Variants in DACH2 observed in about 807,000 individuals in gnomAD.
The protein encoded by DACH2 is dachshund family transcription factor 2.
In DACH2, 17 loss-of-function variants were observed where a neutral mutation model predicts 35.8. That is an observed-to-expected ratio of 0.48 (90% confidence interval 0.33 to 0.71). DACH2 has a LOEUF of 0.71. DACH2 is among the 30% of genes least tolerant of loss of function. DACH2 has a pLI of 0.02. For missense variants in DACH2, 469 were observed against 472.7 expected (o/e 0.99, Z 0.07); for synonymous variants, 195 against 177.3 (o/e 1.10, Z -0.79).
intron 3 of DACH2, among the ~76,000 whole-genome samples, chrX:86,638,660 C>A (rs1373867762): frequency 8.9e-6 from 1 of 111,942 alleles, no homozygotes; most frequent in East Asian, 2.8e-4. Context: ...TGAAAAAATG[C>A]TTAATGTCAC....
chrX:86,481,757 C>T (rs2037939284), intron 2 of DACH2: 1 of 112,044 alleles, frequency 8.9e-6, no homozygotes, highest in East Asian at 2.8e-4. Context: ...GAGCTCATAT[C>T]ATGTACATTC....
At chrX:86,752,734 G>T (rs1602898303) in intron 7 of DACH2, among the ~76,000 whole-genome samples, 1 of 111,267 alleles carries the variant, frequency 9.0e-6, no homozygotes, top group Non-Finnish European at 1.9e-5. Flanking sequence ...GGTGACTATG[G>T]AAGTCTTGGA....
At chrX:86,712,035 G>C (rs760335181) in intron 5 of DACH2, among the ~76,000 whole-genome samples, 11 of 111,498 alleles carry the variant, frequency 9.9e-5, no homozygotes, top group Admixed American at 4.8e-4. Context: ...TTAAGCATTT[G>C]AATAGTAAAT....
At chrX:86,499,732 A>G (rs1380957725) in intron 2 of DACH2, among the ~76,000 whole-genome samples, 2 of 111,281 alleles carry the variant, frequency 1.8e-5, no homozygotes, top group Non-Finnish European at 3.8e-5. Context: ...TTTCATTGCA[A>G]TTGTAATGGT....
intron 1 of DACH2, among the ~76,000 whole-genome samples, chrX:86,304,189 A>T (rs1036619410): frequency 5.5e-4 from 61 of 111,129 alleles, no homozygotes; most frequent in African/African-American, 2.0e-3. Flanking sequence ...ATGGAACTAG[A>T]CCCCTCTCTC....
intron 3 of DACH2, among the ~76,000 whole-genome samples, chrX:86,553,042 G>A (rs72633158): frequency 0.14 from 15,315 of 110,083 alleles, 937 homozygotes; most frequent in East Asian, 0.24. Flanking sequence ...TATATGAAGG[G>A]GAATTTATTA....
intron 5 of DACH2, among the ~76,000 whole-genome samples, chrX:86,711,969 G>A (rs2041284326): frequency 1.8e-5 from 2 of 111,922 alleles, no homozygotes; most frequent in African/African-American, 6.5e-5. Context: ...AATCTTTGGA[G>A]AATGAGGAAA....
chrX:86,155,729 A>G (rs1042063400), intron 1 of DACH2, among the ~76,000 whole-genome samples: 9 of 111,393 alleles, frequency 8.1e-5, no homozygotes, highest in Admixed American at 9.6e-5. Flanking sequence ...TTTAAAAATC[A>G]GTTTTTAGAT....
chrX:86,312,139 C>T (rs1044391685), intron 1 of DACH2, among the ~76,000 whole-genome samples: 13 of 112,160 alleles, frequency 1.2e-4, no homozygotes, highest in African/African-American at 3.2e-4. Flanking sequence ...GCTGCAGAAA[C>T]GAGGACTGTG....
intron 2 of DACH2, among the ~76,000 whole-genome samples, chrX:86,415,098 C>T (rs2036681065): frequency 9.0e-6 from 1 of 111,697 alleles, no homozygotes; most frequent in Non-Finnish European, 1.9e-5. Context: ...AAGTGTTAGA[C>T]TGCAAGAAGA....
At chrX:86,455,450 G>A (rs967978124) in intron 2 of DACH2, among the ~76,000 whole-genome samples, 3 of 111,870 alleles carry the variant, frequency 2.7e-5, no homozygotes, top group African/African-American at 9.8e-5. Flanking sequence ...CCCAGGGAGA[G>A]ATCAGAGCTC....
chrX:86,568,638 T>G (rs2039323171), intron 3 of DACH2, among the ~76,000 whole-genome samples: 1 of 111,320 alleles, frequency 9.0e-6, no homozygotes, highest in Admixed American at 9.6e-5. Flanking sequence ...ATAGATTATA[T>G]GGATGAAAAT....
chrX:86,540,952 T>C (rs1159577793), intron 3 of DACH2, among the ~76,000 whole-genome samples: 1 of 112,111 alleles, frequency 8.9e-6, no homozygotes, highest in Non-Finnish European at 1.9e-5. Context: ...TAATAATGAA[T>C]ATCATCTCTC....
At chrX:86,523,666 G>A (rs184208248) in intron 3 of DACH2, among the ~76,000 whole-genome samples, 58 of 110,326 alleles carry the variant, frequency 5.3e-4, no homozygotes, top group Admixed American at 1.6e-3. Flanking sequence ...TCATAGGGGT[G>A]TGGAAAACAG....
At chrX:86,597,175 A>G (rs958974042) in intron 3 of DACH2, among the ~76,000 whole-genome samples, 1 of 111,880 alleles carries the variant, frequency 8.9e-6, no homozygotes, top group African/African-American at 3.2e-5. Flanking sequence ...CAAAAAGGCA[A>G]TTGCGATATT....
intron 7 of DACH2, among the ~76,000 whole-genome samples, chrX:86,773,358 A>T (rs913231654): frequency 1.8e-5 from 2 of 111,787 alleles, no homozygotes; most frequent in African/African-American, 3.2e-5. Flanking sequence ...AAATTTAGAC[A>T]TTGGCTTTAG....
Position 86,484,644 on chromosome X carries a change from C to A in DACH2, c.528-29635C>A, listed in dbSNP as rs2037991944. Among the ~76,000 whole-genome samples the A allele has an allele frequency of 3.6e-5, 4 of 111,663 alleles. No individual in the cohort carries two copies. In the Admixed American group the frequency reaches 3.8e-4, roughly 11 times the overall value. The stretch of plus-strand genomic sequence containing the variant: ...AAATCATAATTTTACACACATTATT[C>A]ACATTTTTGTACTCAATGGTCATTG... On this transcript the variant is annotated intron_variant, in intron 2 of 11. Transcript: ENST00000373125.
intron 1 of DACH2, among the ~76,000 whole-genome samples, chrX:86,270,633 C>T (rs769840909): frequency 8.9e-6 from 1 of 112,201 alleles, no homozygotes; most frequent in African/African-American, 3.2e-5. Context: ...TTCAAAGCCA[C>T]AAGCAGGTTA....
At chrX:86,233,167 C>T (rs989320288) in intron 1 of DACH2, among the ~76,000 whole-genome samples, 9 of 110,852 alleles carry the variant, frequency 8.1e-5, no homozygotes, top group South Asian at 3.8e-4. Context: ...TAGAGAGGAA[C>T]GATACACACT....
Sources: allele counts gnomAD v4.1 joint callset (sites outside exome capture counted in the v4.1 genomes callset), GRCh38; gene constraint gnomAD v4.1.1; transcripts MANE v1.5; gene names NCBI Gene and HGNC (gene_info 2026-07-23, HGNC 2026-07-21).